Variants in STON1 observed in about 807,000 individuals in gnomAD.
STON1 encodes the protein stonin 1, also known as stonin-1.
STON1 carries 79 observed loss-of-function variants against 60.9 expected under a neutral mutation model. That is an observed-to-expected ratio of 1.30 (90% CI 1.08 to 1.56). The LOEUF is 1.56. Ranked by LOEUF, STON1 falls within the 40% of genes most tolerant of loss-of-function variation. The pLI, the probability that STON1 is intolerant of heterozygous loss-of-function variation, is 0.00. For missense variants in STON1, 1,166 were observed against 858.9 expected (o/e 1.36, Z -4.47); for synonymous variants, 363 against 306.9 (o/e 1.18, Z -1.91).
chr2:48,555,387 T>C (rs1164070691), intron 1 of STON1, among the ~76,000 whole-genome samples: 10 of 40,946 alleles, frequency 2.4e-4, no homozygotes, highest in South Asian at 1.2e-3. Context: ...CACTTCCCAG[T>C]AGGGGCGGCC....
rs1181712711 is a variant in STON1, at chr2:48,597,850, C to T, written c.*2548C>T. The T allele has an allele frequency of 6.6e-6, 1 of 152,212 alleles. No homozygotes were observed. The highest frequency in any genetic ancestry group is 1.5e-5 in the Non-Finnish European group (1 of 68,030). 9.4% of individuals were successfully genotyped at this position (152,212 alleles called of 1,614,324 possible). A position where few individuals can be genotyped will look rare whatever the true frequency, so the allele number is the denominator to read the frequency against. On this transcript the variant is annotated 3_prime_UTR_variant, in exon 4 of 4. Transcript: ENST00000404752. ...GAAGGTCAGATGTGACTACAGAACT[C>T]TAGGTGAAAAATCAGGTAGGGTTCA...
At position 48,591,772 on chromosome 2, in the gene STON1, A is replaced by G. The variant is rs150862392; in HGVS notation, c.2050A>G (p.Arg684Gly). Residue 684 changes from arginine to glycine, a missense_variant, in exon 3 of 4, where the codon AGG (arginine) becomes GGG (glycine). Arg to Gly is a moderately radical substitution (Grantham distance 125). Transcript: ENST00000404752. ...TTCCGTGCCTGACACCTGTGCCTCAAGGACAGAGGTCAGGTCTCTGGGAGT... is the reference window on the plus strand; with the variant it reads ...TTCCGTGCCTGACACCTGTGCCTCAGGGACAGAGGTCAGGTCTCTGGGAGT... ...QFSVPDTCAS[R>G]TEVRSLGVES... 2.4e-4 allele frequency: 384 copies of G among 1,614,180 alleles called. 1 individual carries two copies. In the Admixed American group the frequency reaches 6.2e-3, roughly 26 times the overall value.
At chr2:48,572,279 C>G (rs1414412019) in intron 1 of STON1, among the ~76,000 whole-genome samples, 1 of 152,120 alleles carries the variant, frequency 6.6e-6, no homozygotes, top group Non-Finnish European at 1.5e-5. Context: ...GCTGCTGACT[C>G]CAGAACAGTA....
intron 1 of STON1, among the ~76,000 whole-genome samples, chr2:48,549,781 C>G (rs1672015339): frequency 6.9e-6 from 1 of 143,972 alleles, no homozygotes; most frequent in Non-Finnish European, 1.5e-5. Context: ...TCACTGCACT[C>G]CAGCCCGGAC....
At chr2:48,559,474 G>A (rs565829863) in intron 1 of STON1, among the ~76,000 whole-genome samples, 84 of 152,248 alleles carry the variant, frequency 5.5e-4, no homozygotes, top group African/African-American at 2.0e-3. Flanking sequence ...CTGTTCATAA[G>A]GTCAGAGCCC....
At chr2:48,534,625 G>C (rs1329791749) in intron 1 of STON1, among the ~76,000 whole-genome samples, 3 of 152,016 alleles carry the variant, frequency 2.0e-5, no homozygotes, top group Non-Finnish European at 4.4e-5. Context: ...TGAAGACTAA[G>C]TGGCACAAAT....
At chr2:48,564,459 TTC>T (rs1403589854) in intron 1 of STON1, among the ~76,000 whole-genome samples, 22 of 54,316 alleles carry the variant, frequency 4.1e-4, no homozygotes, top group East Asian at 1.3e-3. Flanking sequence ...CTTCTTCTTC[TTC>T]TTCTTCTTCT....
intron 1 of STON1, among the ~76,000 whole-genome samples, chr2:48,558,492 C>T (rs997719236): frequency 3.3e-5 from 5 of 152,208 alleles, no homozygotes; most frequent in Non-Finnish European, 5.9e-5. Flanking sequence ...ACACACAATA[C>T]TGCTAATCTC....
rs541141359 is a variant in STON1, at chr2:48,542,135, G to A, written c.-48+11919G>A. 5.9e-5 allele frequency among the ~76,000 whole-genome samples: 9 copies of A among 152,350 alleles called. 1 individual carries two copies. The highest frequency in any genetic ancestry group is 5.9e-4 in the Admixed American group (9 of 15,308). Reference sequence around the variant, plus strand: ...TACGTGTGTCTCTAACAGTGCAGAGGTTTACAGTGAGCAATTGATTCTTTA... The same window carrying A: ...TACGTGTGTCTCTAACAGTGCAGAGATTTACAGTGAGCAATTGATTCTTTA... On this transcript the variant is annotated intron_variant, in intron 1 of 3. Coordinates refer to ENST00000404752, the MANE Select transcript of STON1 (RefSeq NM_006873.4).
chr2:48,564,464 C>T (rs1444064658), intron 1 of STON1, among the ~76,000 whole-genome samples: 4 of 55,260 alleles, frequency 7.2e-5, no homozygotes, highest in African/African-American at 2.8e-4. Flanking sequence ...TCTTCTTCTT[C>T]TTCTTCTTCT....
chr2:48,586,853 CAG>C (rs1003410686), intron 2 of STON1, among the ~76,000 whole-genome samples: 6 of 151,604 alleles, frequency 4.0e-5, no homozygotes, highest in African/African-American at 1.5e-4. Context: ...AAGGCAGTGG[CAG>C]AGAGAGAGAG....
chr2:48,553,369 C>T (rs1359369586), intron 1 of STON1, among the ~76,000 whole-genome samples: 1 of 151,560 alleles, frequency 6.6e-6, no homozygotes, highest in African/African-American at 2.4e-5. Flanking sequence ...CCCTTCTCTT[C>T]CCTTCCCTTC....
chr2:48,566,108 T>C (rs750142392), intron 1 of STON1, among the ~76,000 whole-genome samples: 1 of 152,210 alleles, frequency 6.6e-6, no homozygotes, highest in Non-Finnish European at 1.5e-5. Flanking sequence ...GTAATAACTA[T>C]TGCAACAGGG....
chr2:48,558,709 C>A (rs1436957232), intron 1 of STON1, among the ~76,000 whole-genome samples: 1 of 152,182 alleles, frequency 6.6e-6, no homozygotes, highest in Non-Finnish European at 1.5e-5. Flanking sequence ...GGCTTGTTTG[C>A]TGCCCTATGT....
rs949066153 is a variant in STON1 at position 48,551,067 on chromosome 2, AG to A, written c.-48+20857del. ...TCAACTTTTAGATCATTTTAGATCT[AG>A]GGGGGTACATTTGCAGGTTTGTTAC... is the stretch of plus-strand genomic sequence containing the variant. On this transcript the variant is annotated intron_variant, in intron 1 of 3. Transcript: ENST00000404752. 2.6e-5 allele frequency among the ~76,000 whole-genome samples: 4 copies of A among 151,932 alleles called. No homozygotes were observed. In the East Asian group the frequency reaches 5.8e-4, roughly 22 times the overall value.
intron 1 of STON1, among the ~76,000 whole-genome samples, chr2:48,551,246 T>A (rs527917862): frequency 1.4e-3 from 211 of 152,254 alleles, no homozygotes; most frequent in Non-Finnish European, 2.1e-3. Context: ...GGACTATAGA[T>A]GGGTGTTTCC....
At chr2:48,595,111 T>C (rs1674725360) in intron 3 of STON1, 117 bp from the exon 4 acceptor site, 4 of 786,268 alleles carry the variant, frequency 5.1e-6, no homozygotes, top group Admixed American at 2.1e-5. Flanking sequence ...GGGCTGTGTC[T>C]GTGTCCAAAG....
rs368150598 is a variant in STON1 at position 48,543,218 on chromosome 2, G to C, written c.-48+13002G>C. On this transcript the variant is annotated intron_variant, in intron 1 of 3. Transcript: ENST00000404752. Reference sequence around the variant, plus strand: ...TCAAACTCCTGACGTCAGGTGATCCGCCTGCCTCGGCCTCCCAAAGTGCTG... The same window carrying C: ...TCAAACTCCTGACGTCAGGTGATCCCCCTGCCTCGGCCTCCCAAAGTGCTG... Among the ~76,000 whole-genome samples the C allele has an allele frequency of 1.3e-4, 20 of 151,976 alleles. No homozygotes were observed. The South Asian group carries it at 4.0e-3, about 30-fold the overall frequency.
chr2:48,538,763 A>ATTTTT (rs34052598), intron 1 of STON1, among the ~76,000 whole-genome samples: 1 of 86,364 alleles, frequency 1.2e-5, no homozygotes, highest in African/African-American at 4.6e-5. Context: ...ACACCCAGCT[A>ATTTTT]TTTTTTTTTT....
Sources: allele counts gnomAD v4.1 joint callset (sites outside exome capture counted in the v4.1 genomes callset), GRCh38; gene constraint gnomAD v4.1.1; transcripts MANE v1.5; gene names NCBI Gene and HGNC (gene_info 2026-07-23, HGNC 2026-07-21).